The following CENPC variants were observed in gnomAD, a reference collection of about 807,000 sequenced individuals.
The protein encoded by CENPC is CENP-C 1.
In CENPC, 63 loss-of-function variants were observed where a neutral mutation model predicts 112.1. The observed-to-expected ratio is 0.56, with a 90% CI of 0.46 to 0.69. CENPC has a LOEUF of 0.69. Ranked by LOEUF, CENPC falls within the 30% of genes least tolerant of loss-of-function variation. The pLI is 0.00. For synonymous variants in CENPC, 333 were observed against 367.6 expected (o/e 0.91, Z 1.08); for missense variants, 1,000 against 1,103.8 (o/e 0.91, Z 1.33).
At chr4:67,494,713 T>C (rs1370704241) in intron 13 of CENPC, among the ~76,000 whole-genome samples, 3 of 152,256 alleles carry the variant, frequency 2.0e-5, no homozygotes, top group African/African-American at 7.2e-5. Context: ...TTGGGAACCA[T>C]GGATTGTTAA....
In CENPC at chr4:67,508,930, A is replaced by C. The variant is rs746045463; in HGVS notation, c.1788T>G (p.Asn596Lys). The change falls in exon 10 of 19, where the codon AAT becomes AAG. Residue 596 changes from asparagine (N) to lysine (K), a missense_variant. Asn to Lys is a moderately conservative substitution (Grantham distance 94). Coordinates refer to ENST00000273853, the MANE Select transcript of CENPC (RefSeq NM_001812.4). ...CAACGATACCTCCAGAACCTTCAGC[A>C]TTTAAAAACTTCTGTACTCTTTGGT... ...KGNQRVQKFL[N>K]AEGSGGIVGH... The C allele has an allele frequency of 2.4e-5, 38 of 1,613,556 alleles. No homozygotes were observed. Among genetic ancestry groups the C allele is most frequent in the Non-Finnish European group, 2.9e-5 (34 of 1,179,752 alleles).
chr4:67,469,012 G>A lies in CENPC; in HGVS notation c.*3593C>T, dbSNP rs561318070. ...ATGAAACAGTTCTATGTTGATTGCA[G>A]TAGTTACACAAATTCACACATATGA... On this transcript the variant is annotated 3_prime_UTR_variant, in exon 19 of 19. Coordinates refer to ENST00000273853, the MANE Select transcript of CENPC (RefSeq NM_001812.4). The A allele has an allele frequency of 1.1e-4, 16 of 152,296 alleles. No individual in the cohort carries two copies. The highest frequency in any genetic ancestry group is 3.6e-4 in the African/African-American group (15 of 41,564). The allele number at this position is 152,296 out of a possible 1,614,324, so 9.4% of individuals were successfully genotyped here.
chr4:67,532,765 G>T (rs1726595482), intron 4 of CENPC, among the ~76,000 whole-genome samples: 1 of 151,412 alleles, frequency 6.6e-6, no homozygotes, highest in African/African-American at 2.4e-5. Context: ...GGGGAGGGGG[G>T]AAGGATAGCA....
intron 6 of CENPC, among the ~76,000 whole-genome samples, chr4:67,518,653 G>A (rs1577996044): frequency 1.3e-5 from 2 of 152,124 alleles, no homozygotes; most frequent in East Asian, 3.9e-4. Flanking sequence ...GGCAATCTTA[G>A]AGCACTGTGA....
chr4:67,521,365 G>A (rs1232187933), intron 5 of CENPC, among the ~76,000 whole-genome samples: 1 of 151,906 alleles, frequency 6.6e-6, no homozygotes, highest in African/African-American at 2.4e-5. Context: ...TCTCAAAGTA[G>A]CATTTTTTAA....
Position 67,506,050 on chromosome 4 carries a change from T to A in CENPC, c.2051+738A>T, listed in dbSNP as rs754222458. On this transcript the variant is annotated intron_variant, in intron 11 of 18. Transcript: ENST00000273853. ...CTTTCTACCTATTATGAACCCAGGA[T>A]AAGCCTAGTCATAACCTCACAAATA... is the stretch of plus-strand genomic sequence containing the variant. 1.9e-3 allele frequency among the ~76,000 whole-genome samples: 290 copies of A among 152,204 alleles called. 2 individuals carry two copies. Among genetic ancestry groups the A allele is most frequent in the Non-Finnish European group, 3.4e-3 (233 of 68,034 alleles).
chr4:67,490,036 A>C lies in CENPC; in HGVS notation c.2601T>G (p.Phe867Leu), dbSNP rs1725196399. Residue 867 changes from phenylalanine (F) to leucine (L), a missense_variant, in exon 17 of 19, where the codon TTT becomes TTG. Coordinates refer to ENST00000273853, the MANE Select transcript of CENPC (RefSeq NM_001812.4). ...GTCCTAATATCAATTTCCCAGTAGA[A>C]AAAAAGGGTGTATCCAATGTCTTGT... ...KVYKTLDTPF[F>L]STGKLILGPQ... 6.2e-7 allele frequency: 1 copy of C among 1,608,164 alleles called. No individual in the cohort carries two copies. Among genetic ancestry groups the C allele is most frequent in the Non-Finnish European group, 8.5e-7 (1 of 1,177,174 alleles).
Position 67,514,419 on chromosome 4 carries a change from G to T in CENPC, c.1099C>A (p.Pro367Thr). 3 of 1,613,572 alleles carry T rather than the reference G, an allele frequency of 1.9e-6. 1 individual carries two copies. The highest frequency in any genetic ancestry group is 3.4e-4 in the Middle Eastern group (2 of 5,818). Reference sequence around the variant, plus strand: ...GGCTGAGATGTCTCTACTGGGTGAGGTTTATGGGAATGTTTGTCATTTGCC... The same window carrying T: ...GGCTGAGATGTCTCTACTGGGTGAGTTTTATGGGAATGTTTGTCATTTGCC... ...TLANDKHSHK[P>T]HPVETSQPSD... The change falls in exon 8 of 19, where the codon CCT becomes ACT. Residue 367 changes from proline to threonine, a missense_variant. Coordinates refer to ENST00000273853, the MANE Select transcript of CENPC (RefSeq NM_001812.4).
At chr4:67,545,189 C>A in intron 1 of CENPC, 149 bp downstream of exon 1, 1 of 669,384 alleles carries the variant, frequency 1.5e-6, no homozygotes, top group South Asian at 2.9e-5. Flanking sequence ...CACACGATCA[C>A]ACTTGATTTC....
intron 10 of CENPC, among the ~76,000 whole-genome samples, chr4:67,508,192 C>A (rs1195437206): frequency 1.3e-5 from 2 of 152,124 alleles, no homozygotes; most frequent in Non-Finnish European, 2.9e-5. Flanking sequence ...ACAATTTGAA[C>A]TATACACTTA....
At chr4:67,535,244 T>A (rs947714539) in intron 4 of CENPC, among the ~76,000 whole-genome samples, 4 of 152,002 alleles carry the variant, frequency 2.6e-5, no homozygotes, top group Non-Finnish European at 5.9e-5. Context: ...CATGGTATTT[T>A]TAAACAATTA....
intron 17 of CENPC, among the ~76,000 whole-genome samples, chr4:67,484,690 T>G (rs1725045543): frequency 6.6e-6 from 1 of 152,266 alleles, no homozygotes; most frequent in Non-Finnish European, 1.5e-5. Context: ...TGGGGACCAT[T>G]GTAATACAGG....
chr4:67,536,162 A>C (rs1726712719), intron 4 of CENPC, among the ~76,000 whole-genome samples: 1 of 152,228 alleles, frequency 6.6e-6, no homozygotes, highest in Non-Finnish European at 1.5e-5. Context: ...GAAAACCAGC[A>C]ATAAAAAGAG....
chr4:67,475,834 C>T (rs1724790310), intron 17 of CENPC, among the ~76,000 whole-genome samples: 1 of 152,146 alleles, frequency 6.6e-6, no homozygotes, highest in African/African-American at 2.4e-5. Flanking sequence ...GGTGATCTGC[C>T]CGCCTCGGCC....
chr4:67,540,669 CAATA>C (rs1329807652), intron 3 of CENPC, among the ~76,000 whole-genome samples: 1 of 151,958 alleles, frequency 6.6e-6, no homozygotes, highest in East Asian at 1.9e-4. Context: ...GACTATGTCT[CAATA>C]AATAAATAAA....
intron 12 of CENPC, among the ~76,000 whole-genome samples, chr4:67,496,205 C>T (rs909880351): frequency 1.3e-5 from 2 of 152,208 alleles, no homozygotes; most frequent in Non-Finnish European, 1.5e-5. Flanking sequence ...CCCAGTTCTT[C>T]CAGCTGGGTC....
chr4:67,522,860 C>CAA (rs1726267254), intron 5 of CENPC, among the ~76,000 whole-genome samples: 1 of 151,956 alleles, frequency 6.6e-6, no homozygotes, highest in African/African-American at 2.4e-5. Context: ...ATTATGTGGG[C>CAA]GCAGTGGTGT....
At chr4:67,508,028 G>T (rs1042032465) in intron 10 of CENPC, among the ~76,000 whole-genome samples, 1 of 152,014 alleles carries the variant, frequency 6.6e-6, no homozygotes, top group Non-Finnish European at 1.5e-5. Context: ...ACCTCAATAG[G>T]TTGTTGGAAC....
intron 17 of CENPC, among the ~76,000 whole-genome samples, chr4:67,476,631 T>C (rs1317353794): frequency 6.6e-6 from 1 of 152,124 alleles, no homozygotes; most frequent in Non-Finnish European, 1.5e-5. Flanking sequence ...AGCTGAACTT[T>C]AAATAATTTT....
Sources: allele counts gnomAD v4.1 joint callset (sites outside exome capture counted in the v4.1 genomes callset), GRCh38; gene constraint gnomAD v4.1.1; transcripts MANE v1.5; gene names NCBI Gene and HGNC (gene_info 2026-07-23, HGNC 2026-07-21).